The following GABRB2 variants were observed in gnomAD, a reference collection of about 807,000 sequenced individuals.
The protein encoded by GABRB2 is gamma-aminobutyric acid receptor subunit beta-2.
In GABRB2, 16 loss-of-function variants were observed where a neutral mutation model predicts 54.7. The observed-to-expected ratio is 0.29, with a 90% CI of 0.20 to 0.44. The LOEUF (loss-of-function observed/expected upper bound fraction) is 0.44. Among genes scored for constraint, GABRB2 ranks in the 20% least tolerant of loss-of-function variants. The pLI, the probability that GABRB2 is intolerant of heterozygous loss-of-function variation, is 1.00. For synonymous variants in GABRB2, 244 were observed against 233.8 expected (o/e 1.04, Z -0.40); for missense variants, 355 against 644.0 (o/e 0.55, Z 4.86).
Position 161,546,677 on chromosome 5 carries a change from T to C in GABRB2, c.-34A>G. On this transcript the variant is annotated 5_prime_UTR_variant, in exon 1 of 10. Transcript: ENST00000393959. ...TTTTTGATGGAATTGAGGGTTTCACTGAAGAGAGGAGATCCAACTTAGTCT... is the reference window on the plus strand; with the variant it reads ...TTTTTGATGGAATTGAGGGTTTCACCGAAGAGAGGAGATCCAACTTAGTCT... The C allele has an allele frequency of 6.4e-7, 1 of 1,564,944 alleles. No homozygotes were observed. Among genetic ancestry groups the C allele is most frequent in the South Asian group, 1.2e-5 (1 of 85,148 alleles).
chr5:161,436,870 C>T (rs1355525389), intron 4 of GABRB2, among the ~76,000 whole-genome samples: 1 of 152,084 alleles, frequency 6.6e-6, no homozygotes, highest in East Asian at 1.9e-4. Context: ...GAATTCAGTG[C>T]TGTCCTGTTA....
intron 5 of GABRB2, among the ~76,000 whole-genome samples, chr5:161,354,011 C>T (rs563365477): frequency 7.6e-4 from 116 of 152,046 alleles, no homozygotes; most frequent in African/African-American, 2.6e-3. Context: ...ATGGTTTCTA[C>T]GATGAGAGAG....
Position 161,289,052 on chromosome 5 carries a change from C to T in GABRB2, c.*5029G>A, listed in dbSNP as rs958395633. ...ATTAGAGGATGTGACACGGCAGTGA[C>T]ATTTGGTTTGGGAACTCAAAGGACA... is the stretch of plus-strand genomic sequence containing the variant. On this transcript the variant is annotated 3_prime_UTR_variant, in exon 10 of 10. Coordinates refer to ENST00000393959, the MANE Select transcript of GABRB2 (RefSeq NM_001371727.1). The T allele has an allele frequency of 6.6e-6, 1 of 152,094 alleles. No homozygotes were observed. The highest frequency in any genetic ancestry group is 6.6e-5 in the Admixed American group (1 of 15,254). The allele number at this position is 152,094 out of a possible 1,614,324, so 9.4% of individuals were successfully genotyped here.
intron 9 of GABRB2, among the ~76,000 whole-genome samples, chr5:161,305,541 T>TA (rs1223630395): frequency 6.6e-6 from 1 of 152,152 alleles, no homozygotes; most frequent in Non-Finnish European, 1.5e-5. Flanking sequence ...TCCTGACAGG[T>TA]GAAGGCTTGT....
At chr5:161,439,064 G>A (rs1380882768) in intron 4 of GABRB2, among the ~76,000 whole-genome samples, 1 of 152,096 alleles carries the variant, frequency 6.6e-6, no homozygotes, top group African/African-American at 2.4e-5. Flanking sequence ...AGAACACCAA[G>A]CAGATTTAAC....
At chr5:161,529,996 C>T (rs575479397) in intron 3 of GABRB2, among the ~76,000 whole-genome samples, 1 of 152,082 alleles carries the variant, frequency 6.6e-6, no homozygotes, top group South Asian at 2.1e-4. Context: ...ATACACATTC[C>T]TTAAGGATAG....
chr5:161,438,229 T>C (rs961794667), intron 4 of GABRB2, among the ~76,000 whole-genome samples: 10 of 152,136 alleles, frequency 6.6e-5, no homozygotes, highest in Non-Finnish European at 4.4e-5. Flanking sequence ...TGGGAGAAAG[T>C]AAGGGAAGAG....
intron 7 of GABRB2, among the ~76,000 whole-genome samples, chr5:161,331,766 C>T (rs1753851162): frequency 6.6e-6 from 1 of 151,928 alleles, no homozygotes; most frequent in African/African-American, 2.4e-5. Context: ...AAATTAAAGG[C>T]AATGTGGAGC....
In GABRB2 at chr5:161,301,759, C is replaced by T. The variant is rs180777286; in HGVS notation, c.1192-7331G>A. The stretch of plus-strand genomic sequence containing the variant: ...CCTTACCATCTGCTTTCTAGTCCAG[C>T]TTTAACTCCCAAGTCCATTCCTGAC... On this transcript the variant is annotated intron_variant, in intron 9 of 9. Transcript: ENST00000393959. Among the ~76,000 whole-genome samples, 286 of 152,322 alleles carry T rather than the reference C, an allele frequency of 1.9e-3. 1 individual carries two copies. The highest frequency in any genetic ancestry group is 6.5e-3 in the African/African-American group (272 of 41,580).
At chr5:161,358,120 C>A (rs974382171) in intron 5 of GABRB2, among the ~76,000 whole-genome samples, 4 of 151,980 alleles carry the variant, frequency 2.6e-5, no homozygotes, top group Non-Finnish European at 4.4e-5. Context: ...AAAAGGAAAC[C>A]ACAAAGAAAT....
chr5:161,447,302 C>A lies in GABRB2; in HGVS notation c.458+12322G>T, dbSNP rs367904543. 7.9e-5 allele frequency among the ~76,000 whole-genome samples: 12 copies of A among 152,236 alleles called. 1 individual carries two copies. In the East Asian group the frequency reaches 1.5e-3, roughly 20 times the overall value. ...CTATTCTAAGTTTTGTGTTGTCTGGCCTCATTATGCAATGATGTAAAATGC... is the reference window on the plus strand; with the variant it reads ...CTATTCTAAGTTTTGTGTTGTCTGGACTCATTATGCAATGATGTAAAATGC... On this transcript the variant is annotated intron_variant, in intron 4 of 9. Transcript: ENST00000393959.
intron 5 of GABRB2, among the ~76,000 whole-genome samples, chr5:161,385,839 G>A (rs1439204006): frequency 2.0e-5 from 3 of 151,960 alleles, no homozygotes; most frequent in South Asian, 2.1e-4. Flanking sequence ...GACTGTGTGT[G>A]GAAGACAGAT....
intron 3 of GABRB2, among the ~76,000 whole-genome samples, chr5:161,476,348 AT>A (rs1373193260): frequency 6.6e-6 from 1 of 151,932 alleles, no homozygotes. Context: ...TATTGTTAAG[AT>A]GTCAACACTA....
At chr5:161,391,950 C>G (rs1755836635) in intron 5 of GABRB2, among the ~76,000 whole-genome samples, 1 of 152,180 alleles carries the variant, frequency 6.6e-6, no homozygotes, top group African/African-American at 2.4e-5. Context: ...CTATGCTAAG[C>G]CTTCTGCTGT....
intron 7 of GABRB2, 84 bp downstream of exon 7, chr5:161,334,668 T>C: frequency 7.0e-7 from 1 of 1,438,170 alleles, no homozygotes; most frequent in Non-Finnish European, 9.6e-7. Flanking sequence ...CACCACAAAT[T>C]TCAGGATAAG....
intron 3 of GABRB2, among the ~76,000 whole-genome samples, chr5:161,543,860 C>T (rs967885914): frequency 6.6e-6 from 1 of 152,130 alleles, no homozygotes; most frequent in African/African-American, 2.4e-5. Flanking sequence ...CTGAAACATC[C>T]AATATTATCT....
intron 5 of GABRB2, among the ~76,000 whole-genome samples, chr5:161,360,025 G>C (rs897159716): frequency 9.2e-5 from 14 of 151,992 alleles, no homozygotes; most frequent in Admixed American, 1.3e-4. Flanking sequence ...AGGTTGTGCA[G>C]CAAGGCAAGA....
intron 3 of GABRB2, among the ~76,000 whole-genome samples, chr5:161,516,455 G>A (rs1479406731): frequency 6.6e-6 from 1 of 152,118 alleles, no homozygotes; most frequent in Non-Finnish European, 1.5e-5. Flanking sequence ...ATGTAAGCAG[G>A]TTACTCCTTC....
chr5:161,335,020 G>C (rs1753951673), intron 6 of GABRB2, 116 bp from the exon 7 acceptor site: 1 of 1,018,142 alleles, frequency 9.8e-7, no homozygotes, highest in African/African-American at 1.6e-5. Flanking sequence ...CTTAGTGAAG[G>C]ACACTTTCTT....
Sources: gnomAD v4.1 joint callset for allele counts (sites outside exome capture counted in the v4.1 genomes callset) on GRCh38, gnomAD v4.1.1 for gene constraint, MANE v1.5 for transcripts, NCBI Gene and HGNC (gene_info 2026-07-23, HGNC 2026-07-21) for gene names.